CNGB3: variants seen among roughly 807,000 people sequenced by gnomAD.
CNGB3 encodes cyclic nucleotide-gated channel beta-3.
CNGB3 carries 86 observed loss-of-function variants against 92.8 expected under a neutral mutation model. The observed-to-expected ratio is 0.93, with a 90% CI of 0.78 to 1.11. The LOEUF (loss-of-function observed/expected upper bound fraction) is 1.11. CNGB3 is among the 50% of genes least tolerant of loss of function. CNGB3 has a pLI of 0.00. For synonymous variants in CNGB3, 333 were observed against 332.7 expected (o/e 1.00, Z -0.01); for missense variants, 1,026 against 956.8 (o/e 1.07, Z -0.95).
At chr8:86,684,107 G>A (rs1382779917) in intron 3 of CNGB3, among the ~76,000 whole-genome samples, 1 of 152,084 alleles carries the variant, frequency 6.6e-6, no homozygotes, top group Non-Finnish European at 1.5e-5. Context: ...TCTGACAAAG[G>A]TCTAGTATCT....
At chr8:86,670,145 G>A (rs1224315750) in intron 4 of CNGB3, among the ~76,000 whole-genome samples, 1 of 152,096 alleles carries the variant, frequency 6.6e-6, no homozygotes, top group African/African-American at 2.4e-5. Context: ...ACTACGCCTG[G>A]CCAATTAATT....
chr8:86,586,035 G>A (rs1821882510), intron 15 of CNGB3, among the ~76,000 whole-genome samples: 3 of 152,232 alleles, frequency 2.0e-5, no homozygotes, highest in Non-Finnish European at 1.5e-5. Flanking sequence ...TTTTTTGGAT[G>A]CATCCAAGAT....
chr8:86,667,005 T>A lies in CNGB3; in HGVS notation c.772A>T (p.Ile258Phe). The change falls in exon 6 of 18, where the codon ATC becomes TTC. Residue 258 changes from isoleucine (I) to phenylalanine (F), a missense_variant. Transcript: ENST00000320005. The part of the protein sequence containing the change: ...DNIHYWLIAD[I>F]ICDIIYLYDM... Reference sequence around the variant, plus strand: ...TAAAGGTAGATGATATCACATATGATGTCCGCAATAAGCCAGTAGTGTATG... The same window carrying A: ...TAAAGGTAGATGATATCACATATGAAGTCCGCAATAAGCCAGTAGTGTATG... 6.2e-7 allele frequency: 1 copy of A among 1,613,976 alleles called. No individual in the cohort carries two copies. The highest frequency in any genetic ancestry group is 8.5e-7 in the Non-Finnish European group (1 of 1,180,006).
chr8:86,632,951 T>G, intron 10 of CNGB3, 58 bp from the exon 11 acceptor site: 2 of 1,476,008 alleles, frequency 1.4e-6, no homozygotes, highest in Non-Finnish European at 1.9e-6. Context: ...AAGACCACTA[T>G]TCTTGGGAGA....
chr8:86,721,954 A>G (rs565145987), intron 3 of CNGB3, among the ~76,000 whole-genome samples: 1 of 152,288 alleles, frequency 6.6e-6, no homozygotes, highest in South Asian at 2.1e-4. Flanking sequence ...CTGCTGTGAA[A>G]TGATTGCCTA....
At chr8:86,736,955 G>A (rs1825259612) in intron 2 of CNGB3, among the ~76,000 whole-genome samples, 1 of 152,120 alleles carries the variant, frequency 6.6e-6, no homozygotes, top group Non-Finnish European at 1.5e-5. Flanking sequence ...CATGAGTTAG[G>A]AAGTATTATA....
rs1268982695 is a variant in CNGB3, at chr8:86,668,186, A to T, written c.494-18T>A. 6 of 1,613,480 alleles carry T rather than the reference A, an allele frequency of 3.7e-6. No individual in the cohort carries two copies. Among genetic ancestry groups the T allele is most frequent in the Non-Finnish European group, 5.1e-6 (6 of 1,179,838 alleles). On this transcript the variant is annotated intron_variant, in intron 4 of 17. Transcript: ENST00000320005. ...GGGCTTTGCTTCATAGGGAAAAAAAAAAAGATGAAACATTTGAAGAGGTTA... is the reference window on the plus strand; with the variant it reads ...GGGCTTTGCTTCATAGGGAAAAAAATAAAGATGAAACATTTGAAGAGGTTA...
intron 15 of CNGB3, among the ~76,000 whole-genome samples, chr8:86,600,533 T>TA (rs1822271546): frequency 6.6e-6 from 1 of 152,170 alleles, no homozygotes; most frequent in Admixed American, 6.5e-5. Flanking sequence ...ATGATACAAG[T>TA]AAAAATCACC....
At chr8:86,577,273 C>A (rs1442050603) in intron 17 of CNGB3, among the ~76,000 whole-genome samples, 1 of 152,142 alleles carries the variant, frequency 6.6e-6, no homozygotes, top group Non-Finnish European at 1.5e-5. Flanking sequence ...TTATCCAAAT[C>A]CCTTGATCTG....
At chr8:86,735,864 A>C (rs747686865) in intron 2 of CNGB3, among the ~76,000 whole-genome samples, 14 of 152,226 alleles carry the variant, frequency 9.2e-5, no homozygotes, top group Non-Finnish European at 1.5e-4. Flanking sequence ...TTACCACACC[A>C]TACTAGCAAT....
chr8:86,671,422 C>T (rs542109801), intron 3 of CNGB3, among the ~76,000 whole-genome samples: 2 of 152,212 alleles, frequency 1.3e-5, no homozygotes, highest in East Asian at 3.9e-4. Context: ...CTAAGATGGC[C>T]CCAAGATTCC....
At chr8:86,682,651 G>A (rs755256510) in intron 3 of CNGB3, among the ~76,000 whole-genome samples, 13 of 152,108 alleles carry the variant, frequency 8.5e-5, no homozygotes, top group Admixed American at 6.6e-5. Flanking sequence ...CTCCTGGAAG[G>A]GAGGGGTTCC....
intron 6 of CNGB3, among the ~76,000 whole-genome samples, chr8:86,655,539 C>T (rs896519010): frequency 7.9e-5 from 12 of 152,186 alleles, no homozygotes; most frequent in African/African-American, 2.9e-4. Context: ...AACTCCAACT[C>T]ATCCATCAAG....
At chr8:86,591,623 C>G in intron 15 of CNGB3, among the ~76,000 whole-genome samples, 1 of 152,172 alleles carries the variant, frequency 6.6e-6, no homozygotes, top group East Asian at 1.9e-4. Flanking sequence ...TGTGCCCCTG[C>G]TGGAGGGTGC....
intron 13 of CNGB3, among the ~76,000 whole-genome samples, chr8:86,624,087 A>T (rs978736240): frequency 3.9e-5 from 6 of 152,226 alleles, no homozygotes; most frequent in Non-Finnish European, 7.3e-5. Context: ...TTTTCTGCTC[A>T]AGAGCCTCAG....
intron 3 of CNGB3, among the ~76,000 whole-genome samples, chr8:86,672,514 T>C (rs1013075098): frequency 7.2e-5 from 11 of 152,166 alleles, no homozygotes; most frequent in Non-Finnish European, 1.6e-4. Context: ...GAGCTCTCAC[T>C]GTCTATCTTC....
At chr8:86,728,832 G>T (rs1015738878) in intron 2 of CNGB3, among the ~76,000 whole-genome samples, 1 of 152,098 alleles carries the variant, frequency 6.6e-6, no homozygotes, top group African/African-American at 2.4e-5. Flanking sequence ...TATGAAATAT[G>T]AGTAAAAATC....
chr8:86,592,452 A>G (rs191584675), intron 15 of CNGB3, among the ~76,000 whole-genome samples: 6 of 152,290 alleles, frequency 3.9e-5, no homozygotes, highest in Admixed American at 6.5e-5. Context: ...ATAATTTTCA[A>G]TCTTGTGAGG....
intron 3 of CNGB3, among the ~76,000 whole-genome samples, chr8:86,676,670 C>T (rs1468421629): frequency 1.3e-5 from 2 of 152,168 alleles, no homozygotes; most frequent in Non-Finnish European, 1.5e-5. Context: ...CATTGTACTA[C>T]ATTGAATAAT....
Sources: gnomAD v4.1 joint callset for allele counts (sites outside exome capture counted in the v4.1 genomes callset) on GRCh38, gnomAD v4.1.1 for gene constraint, MANE v1.5 for transcripts, NCBI Gene and HGNC (gene_info 2026-07-23, HGNC 2026-07-21) for gene names.